PALM2AKAP2: variants seen among roughly 807,000 people sequenced by gnomAD.
PALM2AKAP2 encodes the protein PALM2 and AKAP2 fusion.
PALM2AKAP2 carries 37 observed loss-of-function variants against 71.5 expected under a neutral mutation model. The observed-to-expected ratio is 0.52, with a 90% confidence interval of 0.40 to 0.68. The LOEUF (loss-of-function observed/expected upper bound fraction) is 0.68, where lower values mean the gene tolerates loss of function less well. Ranked by LOEUF, PALM2AKAP2 falls within the 30% of genes least tolerant of loss-of-function variation. The pLI is 0.00. For missense variants in PALM2AKAP2, 1,224 were observed against 1,191.8 expected, an observed-to-expected ratio of 1.03 and a Z score of -0.40; for synonymous variants, 468 against 478.8, an observed-to-expected ratio of 0.98 and a Z score of 0.29.
chr9:109,858,753 C>A (rs546530266), intron 1 of PALM2AKAP2, among the ~76,000 whole-genome samples: 1 of 152,296 alleles, frequency 6.6e-6, no homozygotes, highest in South Asian at 2.1e-4. Flanking sequence ...AGGGGCTTAT[C>A]AATGTGGTGT....
chr9:110,043,900 G>T (rs1166184442), upstream of PALM2AKAP2, among the ~76,000 whole-genome samples: 1 of 151,450 alleles, frequency 6.6e-6, no homozygotes, highest in Non-Finnish European at 1.5e-5. Flanking sequence ...TTAATTTTTT[G>T]TAGAGATGGG....
intron 1 of PALM2AKAP2, among the ~76,000 whole-genome samples, chr9:109,674,966 T>C (rs1199235001): frequency 6.6e-6 from 1 of 152,076 alleles, no homozygotes; most frequent in African/African-American, 2.4e-5. Context: ...TGTTTTTCAC[T>C]TTCAGTATAA....
At chr9:109,767,891 G>T (rs1410396966) in intron 1 of PALM2AKAP2, among the ~76,000 whole-genome samples, 1 of 151,112 alleles carries the variant, frequency 6.6e-6, no homozygotes, top group African/African-American at 2.5e-5. Flanking sequence ...TTCAAAGCGT[G>T]GGCTAATACA....
At chr9:110,111,681 G>A (rs1300236189) in intron 1 of PALM2AKAP2, among the ~76,000 whole-genome samples, 2 of 152,058 alleles carry the variant, frequency 1.3e-5, no homozygotes, top group African/African-American at 4.8e-5. Flanking sequence ...TGGAGAGTAT[G>A]GTTCAGGGCT....
intron 6 of PALM2AKAP2, among the ~76,000 whole-genome samples, chr9:110,008,014 G>A (rs899955540): frequency 1.3e-5 from 2 of 152,124 alleles, no homozygotes; most frequent in African/African-American, 2.4e-5. Flanking sequence ...CTGGAATGGG[G>A]GCCTTATGAC....
intron 3 of PALM2AKAP2, among the ~76,000 whole-genome samples, chr9:109,910,249 G>A (rs1270712440): frequency 5.9e-5 from 9 of 152,198 alleles, no homozygotes; most frequent in Admixed American, 5.9e-4. Flanking sequence ...ACCAGCATCT[G>A]AGCTAGAGAA....
At chr9:109,727,898 TA>T (rs1419069233) in intron 1 of PALM2AKAP2, among the ~76,000 whole-genome samples, 1 of 152,210 alleles carries the variant, frequency 6.6e-6, no homozygotes, top group Non-Finnish European at 1.5e-5. Context: ...TATGTTCTTC[TA>T]AAAAATGTAA....
chr9:109,763,575 G>A (rs1413934640), intron 1 of PALM2AKAP2, among the ~76,000 whole-genome samples: 1 of 152,210 alleles, frequency 6.6e-6, no homozygotes, highest in East Asian at 1.9e-4. Flanking sequence ...TCCTAGGGAT[G>A]CTGTAAGACA....
chr9:109,927,609 A>G (rs1564214745), intron 5 of PALM2AKAP2, among the ~76,000 whole-genome samples: 1 of 152,170 alleles, frequency 6.6e-6, no homozygotes, highest in Non-Finnish European at 1.5e-5. Flanking sequence ...CCCTCTATGC[A>G]TGGCAGAGGA....
intron 3 of PALM2AKAP2, among the ~76,000 whole-genome samples, chr9:109,902,393 T>C (rs545802726): frequency 6.6e-6 from 1 of 152,336 alleles, no homozygotes; most frequent in African/African-American, 2.4e-5. Flanking sequence ...AGAGCCTCCA[T>C]GGGAGCATGG....
chr9:109,687,947 G>A (rs905254395), intron 1 of PALM2AKAP2, among the ~76,000 whole-genome samples: 1 of 152,178 alleles, frequency 6.6e-6, no homozygotes, highest in African/African-American at 2.4e-5. Flanking sequence ...AAATAGAGAG[G>A]CTTAAGGAGA....
At chr9:109,943,220 A>G in intron 6 of PALM2AKAP2, 1 of 1,614,214 alleles carries the variant, frequency 6.2e-7, no homozygotes, top group Non-Finnish European at 8.5e-7. Context: ...GTCCTCATTG[A>G]TGAAGATGAT....
intron 1 of PALM2AKAP2, among the ~76,000 whole-genome samples, chr9:110,135,758 T>C (rs1835849196): frequency 6.6e-6 from 1 of 152,264 alleles, no homozygotes; most frequent in African/African-American, 2.4e-5. Context: ...TTTAAAGATC[T>C]GTTCATACAA....
At chr9:109,756,874 G>A (rs963978547) in intron 1 of PALM2AKAP2, among the ~76,000 whole-genome samples, 2 of 152,112 alleles carry the variant, frequency 1.3e-5, no homozygotes, top group African/African-American at 4.8e-5. Flanking sequence ...TAGGGCACAT[G>A]TGATATTTTG....
At chr9:109,934,835 T>G (rs896879426) in intron 6 of PALM2AKAP2, among the ~76,000 whole-genome samples, 1 of 152,246 alleles carries the variant, frequency 6.6e-6, no homozygotes, top group African/African-American at 2.4e-5. Flanking sequence ...CTACTTCACC[T>G]GTTCATACAT....
chr9:109,902,634 T>G (rs1240521454), intron 3 of PALM2AKAP2, among the ~76,000 whole-genome samples: 1 of 152,248 alleles, frequency 6.6e-6, no homozygotes, highest in Non-Finnish European at 1.5e-5. Context: ...AAAGGTGGAA[T>G]GCATTGATGA....
intron 7 of PALM2AKAP2, among the ~76,000 whole-genome samples, chr9:110,020,062 G>T (rs1833046559): frequency 6.6e-6 from 1 of 151,962 alleles, no homozygotes; most frequent in Non-Finnish European, 1.5e-5. Flanking sequence ...ACTTCTAATA[G>T]CTACTTTATA....
intron 1 of PALM2AKAP2, among the ~76,000 whole-genome samples, chr9:109,686,637 T>C (rs549822083): frequency 5.8e-4 from 87 of 149,050 alleles, no homozygotes; most frequent in Non-Finnish European, 1.0e-3. Context: ...TTATTTATTT[T>C]ATTTTTTTAC....
chr9:110,114,580 C>A (rs1835321943), intron 1 of PALM2AKAP2, among the ~76,000 whole-genome samples: 1 of 152,170 alleles, frequency 6.6e-6, no homozygotes, highest in South Asian at 2.1e-4. Context: ...TTATGATACC[C>A]AAGGATTCAC....
Sources: allele counts gnomAD v4.1 joint callset (sites outside exome capture counted in the v4.1 genomes callset), GRCh38; gene constraint gnomAD v4.1.1; transcripts MANE v1.5; gene names NCBI Gene and HGNC (gene_info 2026-07-23, HGNC 2026-07-21).